The following TIAM2 variants were observed in gnomAD, a reference collection of about 807,000 sequenced individuals.
TIAM2 encodes the protein rho guanine nucleotide exchange factor TIAM2.
TIAM2 carries 80 observed loss-of-function variants against 152.9 expected under a neutral mutation model. The observed-to-expected ratio is 0.52, with a 90% CI of 0.44 to 0.63. TIAM2 has a LOEUF of 0.63. TIAM2 is among the 30% of genes least tolerant of loss of function. The pLI is 0.00. For missense variants in TIAM2, 1,965 were observed against 2,120.1 expected (o/e 0.93, Z 1.44); for synonymous variants, 804 against 838.0 (o/e 0.96, Z 0.70).
In TIAM2 at chr6:155,127,580, A is replaced by G. The variant is rs78118493; in HGVS notation, c.-27A>G. On this transcript the variant is annotated 5_prime_UTR_variant, in exon 3 of 27. Transcript: ENST00000682666. ...AGCCTACTGACCACTAACCTCCCTC[A>G]CAGCAGAAACTAGACGTCAGGTAAA... The G allele has an allele frequency of 2.2e-6, 1 of 456,048 alleles. No homozygotes were observed. The highest frequency in any genetic ancestry group is 2.0e-5 in the African/African-American group (1 of 50,164). The allele number at this position is 456,048 out of a possible 1,614,324, so 28.3% of individuals were successfully genotyped here. A position where few individuals can be genotyped will look rare whatever the true frequency, so the allele number is the denominator to read the frequency against.
chr6:155,246,711 C>A (rs1783357223), intron 19 of TIAM2, among the ~76,000 whole-genome samples: 1 of 152,136 alleles, frequency 6.6e-6, no homozygotes, highest in African/African-American at 2.4e-5. Flanking sequence ...TATTGACAGT[C>A]AGTGCAGTAC....
At chr6:155,127,885 A>G (rs1312592414) in intron 3 of TIAM2, among the ~76,000 whole-genome samples, 7 of 152,220 alleles carry the variant, frequency 4.6e-5, no homozygotes, top group Admixed American at 2.0e-4. Context: ...GTGAGAAACT[A>G]GCTGGGCATG....
At chr6:155,113,900 A>AAAATGT (rs1025858407) in intron 2 of TIAM2, among the ~76,000 whole-genome samples, 110 of 151,332 alleles carry the variant, frequency 7.3e-4, no homozygotes, top group African/African-American at 2.6e-3. Context: ...TTAATCAGTG[A>AAAATGT]AAATGTATCC....
chr6:155,138,431 C>CTTT (rs111424436), intron 5 of TIAM2, among the ~76,000 whole-genome samples: 33 of 141,312 alleles, frequency 2.3e-4, no homozygotes, highest in African/African-American at 8.2e-4. Context: ...GTGCAGCCGT[C>CTTT]TTTTTTTTTT....
chr6:155,244,018 GCT>G lies in TIAM2; in HGVS notation c.3357_3358del (p.Ser1119ArgfsTer4), dbSNP rs1783188831. The G allele has an allele frequency of 6.2e-7, 1 of 1,613,924 alleles. No homozygotes were observed. Among genetic ancestry groups the G allele is most frequent in the Admixed American group, 1.7e-5 (1 of 59,988 alleles). ...TCTTCTATTTTCTTTCAGGATTTGA[GCT>G]GCCTCTTTGAATTATACTTGGAGCC... is the stretch of plus-strand genomic sequence containing the variant. On this transcript the variant is annotated frameshift_variant, in exon 17 of 27. Coordinates refer to ENST00000682666, the MANE Select transcript of TIAM2 (RefSeq NM_012454.4). LOFTEE classifies it high-confidence loss of function.
chr6:155,053,028 A>G (rs1777354343), intron 1 of TIAM2, among the ~76,000 whole-genome samples: 1 of 152,152 alleles, frequency 6.6e-6, no homozygotes, highest in African/African-American at 2.4e-5. Flanking sequence ...TCTTAAAGCA[A>G]CGTGCAGGGT....
At chr6:155,152,655 G>A (rs1447301237) in intron 7 of TIAM2, among the ~76,000 whole-genome samples, 1 of 152,160 alleles carries the variant, frequency 6.6e-6, no homozygotes, top group African/African-American at 2.4e-5. Context: ...AGTGTTCAGA[G>A]CACCCCAGTC....
intron 1 of TIAM2, among the ~76,000 whole-genome samples, chr6:155,015,305 G>A (rs1583150473): frequency 6.6e-6 from 1 of 152,162 alleles, no homozygotes; most frequent in East Asian, 1.9e-4. Context: ...GTCAAGGAGA[G>A]TTTGGGTTTG....
chr6:155,205,947 C>A (rs1460230821), intron 14 of TIAM2, among the ~76,000 whole-genome samples: 1 of 152,186 alleles, frequency 6.6e-6, no homozygotes, highest in Non-Finnish European at 1.5e-5. Flanking sequence ...GGTGAGACAA[C>A]CTTAACTTCA....
chr6:155,128,690 A>G (rs1401462265), intron 3 of TIAM2, among the ~76,000 whole-genome samples: 1 of 135,616 alleles, frequency 7.4e-6, no homozygotes, highest in Admixed American at 7.4e-5. Context: ...GTGAGACCCC[A>G]TATCTTTAAA....
intron 13 of TIAM2, among the ~76,000 whole-genome samples, 170 bp downstream of exon 13, chr6:155,182,488 G>A (rs1337924432): frequency 6.6e-6 from 1 of 152,162 alleles, no homozygotes; most frequent in Non-Finnish European, 1.5e-5. Context: ...ACAGCGGCTC[G>A]CTCGCATAAA....
chr6:155,037,668 A>G (rs963667583), intron 1 of TIAM2, among the ~76,000 whole-genome samples: 2 of 152,044 alleles, frequency 1.3e-5, no homozygotes, highest in African/African-American at 4.8e-5. Flanking sequence ...AGCTGGGATT[A>G]ACAGGCACGC....
Position 155,057,017 on chromosome 6 carries a change from CTTTTT to C in TIAM2, c.-208-33247_-208-33243del, listed in dbSNP as rs71023612. On this transcript the variant is annotated intron_variant, in intron 1 of 26. Coordinates refer to ENST00000682666, the MANE Select transcript of TIAM2 (RefSeq NM_012454.4). Reference sequence around the variant, plus strand: ...AGTAGAATGTTCCTCAGTTTTCTTTCTTTTTTTTTTTTTTTTTTTTTTTTTTTTTG... The same window carrying C: ...AGTAGAATGTTCCTCAGTTTTCTTTCTTTTTTTTTTTTTTTTTTTTTTTTG... Among the ~76,000 whole-genome samples the C allele has an allele frequency of 1.4e-4, 6 of 43,866 alleles. No homozygotes were observed. The East Asian group carries it at 3.4e-3, about 25-fold the overall frequency. 28.8% of individuals were successfully genotyped at this position (43,866 alleles called of 152,430 possible). A position where few individuals can be genotyped will look rare whatever the true frequency, so the allele number is the denominator to read the frequency against.
At chr6:155,239,527 C>T (rs941190900) in intron 15 of TIAM2, among the ~76,000 whole-genome samples, 1 of 152,316 alleles carries the variant, frequency 6.6e-6, no homozygotes, top group African/African-American at 2.4e-5. Flanking sequence ...ACTGTGGAAG[C>T]GTTTCACCTG....
At chr6:155,044,347 C>A (rs1393937859) in intron 1 of TIAM2, among the ~76,000 whole-genome samples, 2 of 152,214 alleles carry the variant, frequency 1.3e-5, no homozygotes, top group Non-Finnish European at 2.9e-5. Flanking sequence ...TAGGACCATA[C>A]TGCAGAGTCC....
At chr6:155,082,991 A>C (rs1039973887) in intron 1 of TIAM2, among the ~76,000 whole-genome samples, 1 of 152,050 alleles carries the variant, frequency 6.6e-6, no homozygotes, top group Non-Finnish European at 1.5e-5. Context: ...CTCTCGCCTC[A>C]TCTCTCTTTG....
chr6:155,254,391 C>T, intron 25 of TIAM2, 28 bp from the exon 26 acceptor site: 4 of 1,606,916 alleles, frequency 2.5e-6, no homozygotes, highest in African/African-American at 2.7e-5. Context: ...GTGGACACTT[C>T]TGCTGTTTTC....
At chr6:155,078,983 T>C (rs1246902522) in intron 1 of TIAM2, among the ~76,000 whole-genome samples, 2 of 152,186 alleles carry the variant, frequency 1.3e-5, no homozygotes, top group African/African-American at 4.8e-5. Flanking sequence ...TTCTTGTGTT[T>C]TTTGGTGTTT....
At chr6:155,027,057 A>G (rs1041237854) in intron 1 of TIAM2, among the ~76,000 whole-genome samples, 8 of 151,480 alleles carry the variant, frequency 5.3e-5, no homozygotes, top group Non-Finnish European at 1.5e-5. Context: ...TTTTTTTGAG[A>G]TGGAGTCTTG....
Sources: gnomAD v4.1 joint callset for allele counts (sites outside exome capture counted in the v4.1 genomes callset) on GRCh38, gnomAD v4.1.1 for gene constraint, MANE v1.5 for transcripts, NCBI Gene and HGNC (gene_info 2026-07-23, HGNC 2026-07-21) for gene names.